ERBB4: variants seen among roughly 807,000 people sequenced by gnomAD.
ERBB4 encodes receptor tyrosine-protein kinase erbB-4.
A neutral mutation model predicts 158.0 loss-of-function variants in ERBB4; 42 were observed. That is an observed-to-expected ratio of 0.27 (90% confidence interval 0.21 to 0.34). The LOEUF (loss-of-function observed/expected upper bound fraction) is 0.34, where lower values mean the gene tolerates loss of function less well. Among genes scored for constraint, ERBB4 ranks in the 10% least tolerant of loss-of-function variants. The probability of loss-of-function intolerance (pLI) is 1.00; values close to 1 mark genes in which losing one functional copy is unlikely to be tolerated. For missense variants in ERBB4, 1,333 were observed against 1,624.1 expected (o/e 0.82, Z 3.08); for synonymous variants, 583 against 558.7 (o/e 1.04, Z -0.61).
At chr2:211,455,857 T>A (rs2064368727) in intron 20 of ERBB4, among the ~76,000 whole-genome samples, 2 of 152,186 alleles carry the variant, frequency 1.3e-5, no homozygotes, top group African/African-American at 4.8e-5. Flanking sequence ...CCAGGAGTAA[T>A]AAATTGATAC....
chr2:212,128,127 C>G (rs1167716488), intron 1 of ERBB4, among the ~76,000 whole-genome samples: 1 of 152,188 alleles, frequency 6.6e-6, no homozygotes, highest in Non-Finnish European at 1.5e-5. Context: ...ATACACCATG[C>G]TGGAATTCAT....
At chr2:212,123,352 G>T (rs749896344) in intron 2 of ERBB4, among the ~76,000 whole-genome samples, 2 of 152,108 alleles carry the variant, frequency 1.3e-5, no homozygotes. Context: ...GCAATGAGCC[G>T]ATATCACACC....
At chr2:212,494,564 C>T (rs903180645) in intron 1 of ERBB4, among the ~76,000 whole-genome samples, 1 of 151,864 alleles carries the variant, frequency 6.6e-6, no homozygotes, top group African/African-American at 2.4e-5. Flanking sequence ...TCATTAATCC[C>T]CAGGAAATGC....
chr2:211,473,104 T>C (rs993007506), intron 20 of ERBB4, among the ~76,000 whole-genome samples: 2 of 151,898 alleles, frequency 1.3e-5, no homozygotes, highest in Non-Finnish European at 2.9e-5. Flanking sequence ...GAAATGATCC[T>C]GCATTATCTA....
At chr2:212,472,958 T>C (rs964727268) in intron 1 of ERBB4, among the ~76,000 whole-genome samples, 1 of 151,848 alleles carries the variant, frequency 6.6e-6, no homozygotes, top group African/African-American at 2.4e-5. Flanking sequence ...CCCCAAACAA[T>C]TGTTGCAAAT....
chr2:211,562,507 A>C (rs2067424900), intron 19 of ERBB4, among the ~76,000 whole-genome samples: 1 of 152,208 alleles, frequency 6.6e-6, no homozygotes, highest in Non-Finnish European at 1.5e-5. Flanking sequence ...GGTGAGCTGA[A>C]CTTTGAAGTC....
chr2:211,916,273 G>A (rs1255297106), intron 3 of ERBB4, among the ~76,000 whole-genome samples: 5 of 151,836 alleles, frequency 3.3e-5, no homozygotes, highest in African/African-American at 7.3e-5. Flanking sequence ...TCTGTCTCCC[G>A]GGTTCAAGTG....
At chr2:212,105,198 C>G (rs898564636) in intron 2 of ERBB4, among the ~76,000 whole-genome samples, 3 of 152,080 alleles carry the variant, frequency 2.0e-5, no homozygotes, top group African/African-American at 7.2e-5. Context: ...GTCACCAGCT[C>G]CTAGAATATC....
intron 7 of ERBB4, among the ~76,000 whole-genome samples, chr2:211,715,414 A>G (rs747506482): frequency 6.6e-6 from 1 of 152,164 alleles, no homozygotes; most frequent in Non-Finnish European, 1.5e-5. Flanking sequence ...CCTAATCTCT[A>G]TCTCAGGGGA....
intron 20 of ERBB4, among the ~76,000 whole-genome samples, chr2:211,438,526 T>G (rs1469862543): frequency 6.6e-6 from 1 of 152,196 alleles, no homozygotes; most frequent in Non-Finnish European, 1.5e-5. Context: ...GTCTTGAGGA[T>G]TCAATGGCTT....
intron 1 of ERBB4, among the ~76,000 whole-genome samples, chr2:212,513,671 C>T (rs1039122889): frequency 1.1e-4 from 17 of 151,978 alleles, no homozygotes; most frequent in African/African-American, 3.9e-4. Context: ...ATTAGCCGGG[C>T]GTAGTGGCCA....
At position 211,562,031 on chromosome 2, in the gene ERBB4, A is replaced by G; in HGVS notation, c.2359T>C (p.Cys787Arg). 4 of 1,614,118 alleles carry G rather than the reference A, an allele frequency of 2.5e-6. No individual in the cohort carries two copies. Among genetic ancestry groups the G allele is most frequent in the Non-Finnish European group, 3.4e-6 (4 of 1,180,022 alleles). The change falls in exon 20 of 28, where the codon TGT (cysteine) becomes CGT (arginine). Residue 787 changes from cysteine (C) to arginine (R), a missense_variant. Physicochemically the swap from Cys to Arg is radical, Grantham distance 180. Transcript: ENST00000342788. ...HPHLVRLLGV[C>R]LSPTIQLVTQ... ...ACCAGCTGGATGGTTGGGCTCAGAC[A>G]CACACCCAGCAACCGGACTAGGTGT... is the stretch of plus-strand genomic sequence containing the variant.
At chr2:211,406,711 T>TA (rs1432070441) in intron 25 of ERBB4, among the ~76,000 whole-genome samples, 3 of 151,904 alleles carry the variant, frequency 2.0e-5, no homozygotes, top group East Asian at 1.9e-4. Context: ...ACAAAAGTGA[T>TA]AAAAATAGTT....
intron 19 of ERBB4, among the ~76,000 whole-genome samples, chr2:211,583,380 G>A (rs2068160938): frequency 6.6e-6 from 1 of 151,660 alleles, no homozygotes; most frequent in Non-Finnish European, 1.5e-5. Context: ...AAGTTGAGAG[G>A]AATAAATTTT....
chr2:211,608,072 T>C (rs969059358), intron 19 of ERBB4, among the ~76,000 whole-genome samples: 7 of 151,836 alleles, frequency 4.6e-5, no homozygotes, highest in African/African-American at 1.7e-4. Context: ...TTTGTGTGTG[T>C]ATGTGTGTTT....
At chr2:211,518,697 T>C (rs1241920481) in intron 20 of ERBB4, among the ~76,000 whole-genome samples, 1 of 151,970 alleles carries the variant, frequency 6.6e-6, no homozygotes, top group African/African-American at 2.4e-5. Flanking sequence ...TTTTGTTTAG[T>C]AGATGACTTA....
chr2:212,472,588 G>C (rs1689169900), intron 1 of ERBB4, among the ~76,000 whole-genome samples: 1 of 151,668 alleles, frequency 6.6e-6, no homozygotes, highest in African/African-American at 2.4e-5. Flanking sequence ...CAGAGAGGTA[G>C]AAAGTATATA....
At chr2:211,850,901 G>T (rs2077703792) in intron 3 of ERBB4, among the ~76,000 whole-genome samples, 1 of 151,920 alleles carries the variant, frequency 6.6e-6, no homozygotes, top group South Asian at 2.1e-4. Flanking sequence ...GAAGAGTTTA[G>T]ATTCTGATGT....
chr2:211,888,428 CAT>C (rs2078862937), intron 3 of ERBB4, among the ~76,000 whole-genome samples: 1 of 152,180 alleles, frequency 6.6e-6, no homozygotes, highest in African/African-American at 2.4e-5. Context: ...TGTACACACA[CAT>C]ATATTCACAA....
Sources: allele counts gnomAD v4.1 joint callset (sites outside exome capture counted in the v4.1 genomes callset), GRCh38; gene constraint gnomAD v4.1.1; transcripts MANE v1.5; gene names NCBI Gene and HGNC (gene_info 2026-07-23, HGNC 2026-07-21).